NAALADL2: variants seen among roughly 807,000 people sequenced by gnomAD.
The protein encoded by NAALADL2 is inactive N-acetylated-alpha-linked acidic dipeptidase-like protein 2.
Under a neutral mutation model 87.2 loss-of-function variants are expected in NAALADL2, and 76 were observed. The ratio of observed to expected loss-of-function variants is 0.87; its 90% CI spans 0.72 to 1.05. The LOEUF is 1.05. Among genes scored for constraint, NAALADL2 ranks in the 50% least tolerant of loss-of-function variants. NAALADL2 has a pLI of 0.00. For synonymous variants in NAALADL2, 354 were observed against 331.0 expected, an observed-to-expected ratio of 1.07 and a Z score of -0.75; for missense variants, 1,089 against 945.8, an observed-to-expected ratio of 1.15 and a Z score of -1.99.
At chr3:174,774,869 A>G (rs1715017983) in intron 3 of NAALADL2, among the ~76,000 whole-genome samples, 1 of 152,184 alleles carries the variant, frequency 6.6e-6, no homozygotes, top group Admixed American at 6.6e-5. Context: ...ACCTCAGGTT[A>G]AAACCTTATG....
At chr3:175,199,858 ATATATATTTTTTTTTTTTTTTTTTT>A (rs1215019517) in intron 2 of NAALADL2, among the ~76,000 whole-genome samples, 1 of 17,700 alleles carries the variant, frequency 5.6e-5, no homozygotes, top group African/African-American at 2.5e-4. Context: ...ATATATATAT[ATATATATTTTTTTTTTTTTTTTTTT>A]TTTTTTTTTC....
intron 1 of NAALADL2, among the ~76,000 whole-genome samples, chr3:174,903,146 G>T (rs1304190278): frequency 1.3e-5 from 2 of 151,962 alleles, no homozygotes; most frequent in Admixed American, 6.6e-5. Flanking sequence ...TGCCATCCCT[G>T]CAGGAATTTA....
intron 3 of NAALADL2, among the ~76,000 whole-genome samples, chr3:174,819,803 A>C (rs1388732731): frequency 1.3e-5 from 2 of 152,224 alleles, no homozygotes; most frequent in African/African-American, 4.8e-5. Flanking sequence ...CTGAGAAATT[A>C]ATAAAGCTTA....
At chr3:174,967,114 T>G (rs1265181943) in intron 1 of NAALADL2, among the ~76,000 whole-genome samples, 1 of 152,182 alleles carries the variant, frequency 6.6e-6, no homozygotes, top group Admixed American at 6.5e-5. Flanking sequence ...AAGTAATAAC[T>G]GGATTATGTC....
chr3:174,713,422 A>T (rs1431506645), intron 2 of NAALADL2, among the ~76,000 whole-genome samples: 6 of 152,314 alleles, frequency 3.9e-5, no homozygotes, highest in Non-Finnish European at 1.5e-5. Flanking sequence ...TCCCACCAAC[A>T]GTGTAAAAGT....
intron 6 of NAALADL2, among the ~76,000 whole-genome samples, chr3:175,461,232 T>C (rs367896504): frequency 2.0e-4 from 31 of 152,208 alleles, no homozygotes; most frequent in African/African-American, 7.2e-4. Flanking sequence ...TACAATCCTT[T>C]AGCTAGACAC....
chr3:175,284,347 G>A (rs1754718328), intron 4 of NAALADL2, among the ~76,000 whole-genome samples: 1 of 151,858 alleles, frequency 6.6e-6, no homozygotes, highest in Admixed American at 6.6e-5. Context: ...TCATCACCAG[G>A]AAACTGAATT....
At chr3:175,226,676 T>C (rs1744206038) in intron 2 of NAALADL2, among the ~76,000 whole-genome samples, 1 of 152,124 alleles carries the variant, frequency 6.6e-6, no homozygotes, top group Admixed American at 6.6e-5. Flanking sequence ...ACATTTAATA[T>C]AAAATTTGTA....
chr3:175,022,757 G>A (rs1751721959), intron 1 of NAALADL2, among the ~76,000 whole-genome samples: 1 of 151,962 alleles, frequency 6.6e-6, no homozygotes, highest in South Asian at 2.1e-4. Context: ...ATGTATTGAC[G>A]GATTAACAGA....
At chr3:175,422,638 A>C (rs1715898587) in intron 5 of NAALADL2, among the ~76,000 whole-genome samples, 1 of 150,600 alleles carries the variant, frequency 6.6e-6, no homozygotes, top group Admixed American at 6.7e-5. Context: ...GATGTGCATC[A>C]CAGGCAATCT....
At chr3:174,720,486 A>G (rs1405626262) in intron 2 of NAALADL2, among the ~76,000 whole-genome samples, 1 of 152,154 alleles carries the variant, frequency 6.6e-6, no homozygotes, top group Non-Finnish European at 1.5e-5. Flanking sequence ...AAAAATATTG[A>G]TGGAAAAGTA....
chr3:175,424,798 A>G (rs1327437653), intron 5 of NAALADL2, among the ~76,000 whole-genome samples: 2 of 152,114 alleles, frequency 1.3e-5, no homozygotes, highest in Non-Finnish European at 2.9e-5. Flanking sequence ...TAATTGCAGA[A>G]CAGTGTAGAA....
At chr3:174,856,257 C>G (rs1248969562), upstream of NAALADL2, among the ~76,000 whole-genome samples, 1 of 152,072 alleles carries the variant, frequency 6.6e-6, no homozygotes, top group Non-Finnish European at 1.5e-5. Context: ...CCTTCTGCCT[C>G]AGCCTCCCAA....
At chr3:174,621,984 T>C (rs556686642) in intron 2 of NAALADL2, among the ~76,000 whole-genome samples, 38 of 152,264 alleles carry the variant, frequency 2.5e-4, no homozygotes, top group African/African-American at 7.7e-4. Flanking sequence ...CTCATCCTGG[T>C]TTAAGCTCTA....
intron 2 of NAALADL2, among the ~76,000 whole-genome samples, chr3:175,232,480 A>T (rs966184159): frequency 2.0e-5 from 3 of 152,114 alleles, no homozygotes; most frequent in Non-Finnish European, 4.4e-5. Flanking sequence ...CCAATCATTT[A>T]GCTTTTCTGA....
chr3:175,439,058 G>A (rs952855179), intron 5 of NAALADL2, among the ~76,000 whole-genome samples: 6 of 151,950 alleles, frequency 3.9e-5, no homozygotes, highest in Middle Eastern at 3.2e-3. Context: ...ATGCCTTTGT[G>A]TCCTCATAGC....
intron 1 of NAALADL2, among the ~76,000 whole-genome samples, chr3:175,063,668 G>C (rs902025927): frequency 6.6e-6 from 1 of 151,766 alleles, no homozygotes; most frequent in South Asian, 2.1e-4. Flanking sequence ...ATTTTTTATA[G>C]AGATGGATCT....
chr3:174,946,067 A>G (rs1262198033), intron 1 of NAALADL2, among the ~76,000 whole-genome samples: 1 of 151,186 alleles, frequency 6.6e-6, no homozygotes, highest in African/African-American at 2.4e-5. Context: ...AAAAAAAAAA[A>G]AAAATTATTC....
intron 5 of NAALADL2, among the ~76,000 whole-genome samples, chr3:175,356,996 T>G (rs1355044877): frequency 6.6e-6 from 1 of 152,046 alleles, no homozygotes; most frequent in Non-Finnish European, 1.5e-5. Flanking sequence ...TATTTTGGAG[T>G]CTCTTTGCTT....
Sources: allele counts gnomAD v4.1 joint callset (sites outside exome capture counted in the v4.1 genomes callset), GRCh38; gene constraint gnomAD v4.1.1; transcripts MANE v1.5; gene names NCBI Gene and HGNC (gene_info 2026-07-23, HGNC 2026-07-21).